Variants in DLC1 observed in about 807,000 individuals in gnomAD.
The protein encoded by DLC1 is rho GTPase-activating protein 7.
Under a neutral mutation model 140.3 loss-of-function variants are expected in DLC1, and 54 were observed. That is an observed-to-expected ratio of 0.38 (90% CI 0.31 to 0.48). The LOEUF (loss-of-function observed/expected upper bound fraction) is 0.48, where lower values mean the gene tolerates loss of function less well. Ranked by LOEUF, DLC1 falls within the 20% of genes least tolerant of loss-of-function variation. The pLI is 0.96. For missense variants in DLC1, 2,536 were observed against 1,907.0 expected, an observed-to-expected ratio of 1.33 and a Z score of -6.14; for synonymous variants, 986 against 728.1, an observed-to-expected ratio of 1.35 and a Z score of -5.70.
chr8:13,396,296 T>C (rs570435558), intron 3 of DLC1, among the ~76,000 whole-genome samples: 7 of 152,260 alleles, frequency 4.6e-5, no homozygotes, highest in African/African-American at 1.7e-4. Flanking sequence ...CCTGACCTCG[T>C]GATCCGTCCG....
In DLC1 at chr8:13,597,029, G is replaced by C. The variant is rs1028130899; in HGVS notation, c.-126+7508C>G. On this transcript the variant is annotated intron_variant, in intron 1 of 1. Coordinates refer to the DLC1 transcript ENST00000631382. ...GAGATTGGCACTCTGACGTCATCCT[G>C]TTCCTCATTTAACATAATGCAGCAA... 2.0e-5 allele frequency among the ~76,000 whole-genome samples: 3 copies of C among 151,752 alleles called. No homozygotes were observed. The South Asian group carries it at 6.2e-4, about 32-fold the overall frequency.
intron 4 of DLC1, among the ~76,000 whole-genome samples, chr8:13,380,986 C>T (rs989036446): frequency 1.3e-5 from 2 of 152,132 alleles, no homozygotes; most frequent in African/African-American, 2.4e-5. Flanking sequence ...TAATATGATG[C>T]CTGCCCTCAT....
chr8:13,165,279 A>C (rs904690110), intron 5 of DLC1, among the ~76,000 whole-genome samples: 2 of 152,180 alleles, frequency 1.3e-5, no homozygotes, highest in Non-Finnish European at 2.9e-5. Context: ...ATGAGATTCT[A>C]AGTGTTCAGT....
intron 7 of DLC1, among the ~76,000 whole-genome samples, chr8:13,106,370 CTTTTT>C (rs1819567085): frequency 6.6e-6 from 1 of 152,128 alleles, no homozygotes; most frequent in Non-Finnish European, 1.5e-5. Flanking sequence ...CTTTTCTTTT[CTTTTT>C]GAGACAGGGT....
At chr8:13,556,320 A>G (rs1185886586) in intron 1 of DLC1, among the ~76,000 whole-genome samples, 3 of 152,148 alleles carry the variant, frequency 2.0e-5, no homozygotes, top group Non-Finnish European at 4.4e-5. Context: ...AGAGTGTGGC[A>G]TCTGTAACTT....
intron 2 of DLC1, among the ~76,000 whole-genome samples, chr8:13,459,764 G>T (rs768338911): frequency 9.9e-5 from 15 of 152,168 alleles, no homozygotes; most frequent in Non-Finnish European, 2.9e-5. Context: ...GAAAAAAAAG[G>T]AAATGTTATG....
intron 4 of DLC1, among the ~76,000 whole-genome samples, chr8:13,307,193 A>T (rs1028305717): frequency 6.6e-6 from 1 of 151,794 alleles, no homozygotes; most frequent in Non-Finnish European, 1.5e-5. Flanking sequence ...TTCGTTGTTC[A>T]GCACTGTTCT....
intron 2 of DLC1, among the ~76,000 whole-genome samples, chr8:13,426,773 G>T (rs745436747): frequency 6.8e-6 from 1 of 146,062 alleles, no homozygotes; most frequent in Non-Finnish European, 1.5e-5. Flanking sequence ...CCATTGCCTC[G>T]TTCTTATATA....
rs552181186 is a variant in DLC1 at position 13,167,125 on chromosome 8, C to T, written c.1349-51468G>A. Among the ~76,000 whole-genome samples the T allele has an allele frequency of 2.6e-5, 4 of 152,198 alleles. No individual in the cohort carries two copies. In the East Asian group the frequency reaches 5.8e-4, roughly 22 times the overall value. ...CAACTAGAGGAAATGACCAAAATAC[C>T]TTTTCTAGTGGAAACAACCTGTGTA... On this transcript the variant is annotated intron_variant, in intron 5 of 17. Transcript: ENST00000276297.
Position 13,345,547 on chromosome 8 carries a change from C to CTTTTTTTTTTTTTTTTTTTTTTTTTTT in DLC1, c.1315-40246_1315-40245insAAAAAAAAAAAAAAAAAAAAAAAAAAA, listed in dbSNP as rs535092622. Reference sequence around the variant, plus strand: ...GATTATCTGAAATTTTTCACTCACACTTTTTTTTTTTTTTTTTTTTTTTGG... The same window carrying CTTTTTTTTTTTTTTTTTTTTTTTTTTT: ...GATTATCTGAAATTTTTCACTCACACTTTTTTTTTTTTTTTTTTTTTTTTTTTTTTTTTTTTTTTTTTTTTTTTTTGG... On this transcript the variant is annotated intron_variant, in intron 4 of 17. Coordinates refer to ENST00000276297, the MANE Select transcript of DLC1 (RefSeq NM_182643.3). Among the ~76,000 whole-genome samples, 17 of 67,516 alleles carry CTTTTTTTTTTTTTTTTTTTTTTTTTTT rather than the reference C, an allele frequency of 2.5e-4. 2 individuals carry two copies. Among genetic ancestry groups the CTTTTTTTTTTTTTTTTTTTTTTTTTTT allele is most frequent in the Non-Finnish European group, 4.1e-4 (16 of 38,918 alleles). 44.3% of individuals were successfully genotyped at this position (67,516 alleles called of 152,430 possible). A position where few individuals can be genotyped will look rare whatever the true frequency, so the allele number is the denominator to read the frequency against.
chr8:13,377,634 A>G (rs1047470163), intron 4 of DLC1, among the ~76,000 whole-genome samples: 1 of 152,114 alleles, frequency 6.6e-6, no homozygotes, highest in African/African-American at 2.4e-5. Flanking sequence ...TTACTGTGCG[A>G]TACACATTTT....
chr8:13,258,953 C>T (rs773695799), intron 5 of DLC1, among the ~76,000 whole-genome samples: 3 of 151,764 alleles, frequency 2.0e-5, no homozygotes, highest in African/African-American at 4.8e-5. Flanking sequence ...CTGGCTAACA[C>T]GGTGAAACCC....
At chr8:13,483,606 G>T (rs918118279) in intron 2 of DLC1, among the ~76,000 whole-genome samples, 3 of 152,308 alleles carry the variant, frequency 2.0e-5, no homozygotes, top group Admixed American at 6.5e-5. Context: ...TTCAGGGAGA[G>T]AGAGTGTGTG....
chr8:13,574,307 G>A (rs1017737758), intron 1 of DLC1, among the ~76,000 whole-genome samples: 6 of 152,158 alleles, frequency 3.9e-5, no homozygotes, highest in African/African-American at 1.2e-4. Flanking sequence ...GTTTCAAGTA[G>A]AAAGTTATCT....
chr8:13,157,172 C>T (rs551450374), intron 5 of DLC1, among the ~76,000 whole-genome samples: 1 of 152,152 alleles, frequency 6.6e-6, no homozygotes, highest in African/African-American at 2.4e-5. Context: ...AAATGAAAAC[C>T]GGTTACCCAG....
At chr8:13,595,885 A>C (rs1183101155) in intron 1 of DLC1, among the ~76,000 whole-genome samples, 1 of 151,986 alleles carries the variant, frequency 6.6e-6, no homozygotes, top group Non-Finnish European at 1.5e-5. Flanking sequence ...AGCCTATGAT[A>C]ATTGCACGTT....
intron 3 of DLC1, among the ~76,000 whole-genome samples, chr8:13,394,517 T>C (rs1370219123): frequency 6.6e-6 from 1 of 152,156 alleles, no homozygotes; most frequent in Non-Finnish European, 1.5e-5. Context: ...TATGCTTTCT[T>C]TGAGTTATAG....
At chr8:13,152,857 G>T (rs887624610) in intron 5 of DLC1, among the ~76,000 whole-genome samples, 17 of 139,748 alleles carry the variant, frequency 1.2e-4, no homozygotes, top group African/African-American at 4.2e-4. Context: ...ACCATAACTT[G>T]GTCAATTATC....
intron 1 of DLC1, among the ~76,000 whole-genome samples, chr8:13,520,781 G>C (rs1802740695): frequency 6.6e-6 from 1 of 152,090 alleles, no homozygotes; most frequent in Non-Finnish European, 1.5e-5. Context: ...TTTGTTTAGA[G>C]AGGTCTGTGT....
Sources: allele counts gnomAD v4.1 joint callset (sites outside exome capture counted in the v4.1 genomes callset), GRCh38; gene constraint gnomAD v4.1.1; transcripts MANE v1.5; gene names NCBI Gene and HGNC (gene_info 2026-07-23, HGNC 2026-07-21).